H4C5: variants seen among roughly 807,000 people sequenced by gnomAD.
H4C5 encodes histone H4.
A neutral mutation model predicts 5.3 loss-of-function variants in H4C5; 15 were observed. The ratio of observed to expected loss-of-function variants is 2.84; its 90% CI spans 1.90 to 4.37. The LOEUF (loss-of-function observed/expected upper bound fraction) is 4.37. Ranked by LOEUF, H4C5 falls within the 30% of genes most tolerant of loss-of-function variation. The pLI is 0.00. For missense variants in H4C5, 153 were observed against 145.7 expected (o/e 1.05, Z -0.26); for synonymous variants, 154 against 56.9 (o/e 2.71, Z -7.68).
Position 26,204,751 on chromosome 6 carries a change from G to C in H4C5, c.107G>C (p.Arg36Pro). 1 of 1,614,164 alleles carries C rather than the reference G, an allele frequency of 6.2e-7. No homozygotes were observed. Among genetic ancestry groups the C allele is most frequent in the Non-Finnish European group, 8.5e-7 (1 of 1,180,022 alleles). ...NIQGITKPAI[R>P]RLARRGGVKR... ...CAGGGCATTACCAAGCCTGCCATCC[G>C]GCGCCTTGCTCGTCGCGGGGGTGTC... Residue 36 changes from arginine (R) to proline (P), a missense_variant, in exon 1 of 1, where the codon CGG becomes CCG. Coordinates refer to ENST00000615164, the MANE Select transcript of H4C5 (RefSeq NM_003545.4).
At position 26,204,612 on chromosome 6, in the gene H4C5, ATT is replaced by A. The variant is rs1765185326; in HGVS notation, c.-29_-28del. On this transcript the variant is annotated 5_prime_UTR_variant, in exon 1 of 1. Coordinates refer to ENST00000615164, the MANE Select transcript of H4C5 (RefSeq NM_003545.4). ...AATACTACCGTCGCTTGTTTTTCAG[ATT>A]TTTGCGGCTATTTTCGTTGGTGTGT... 1 of 1,535,206 alleles carries A rather than the reference ATT, an allele frequency of 6.5e-7. No individual in the cohort carries two copies. The highest frequency in any genetic ancestry group is 8.8e-7 in the Non-Finnish European group (1 of 1,136,788).
In H4C5 at chr6:26,204,617, T is replaced by G. The variant is rs1384483637; in HGVS notation, c.-28T>G. Reference sequence around the variant, plus strand: ...TACCGTCGCTTGTTTTTCAGATTTTTGCGGCTATTTTCGTTGGTGTGTTGG... The same window carrying G: ...TACCGTCGCTTGTTTTTCAGATTTTGGCGGCTATTTTCGTTGGTGTGTTGG... On this transcript the variant is annotated 5_prime_UTR_variant, in exon 1 of 1. Transcript: ENST00000615164. 6.5e-7 allele frequency: 1 copy of G among 1,546,506 alleles called. No homozygotes were observed. Among genetic ancestry groups the G allele is most frequent in the Non-Finnish European group, 8.7e-7 (1 of 1,143,838 alleles).
In H4C5 at chr6:26,204,832, TG is replaced by T. The variant is rs778898232; in HGVS notation, c.190del (p.Glu64LysfsTer3). ...EETRGVLKVF[L>X]ENVIRDAVTY... is the part of the protein sequence containing the mutation. Reference sequence around the variant, plus strand: ...ACTCGCGGGGTTCTGAAGGTGTTTCTGGAAAACGTGATTCGTGATGCTGTGA... The same window carrying T: ...ACTCGCGGGGTTCTGAAGGTGTTTCTGAAAACGTGATTCGTGATGCTGTGA... On this transcript the variant is annotated frameshift_variant, in exon 1 of 1. Coordinates refer to ENST00000615164, the MANE Select transcript of H4C5 (RefSeq NM_003545.4). LOFTEE classifies it high-confidence loss of function. The T allele has an allele frequency of 3.7e-6, 6 of 1,614,190 alleles. No homozygotes were observed. The East Asian group carries it at 1.3e-4, about 36-fold the overall frequency.
rs767248815 is a variant in H4C5 at position 26,204,841 on chromosome 6, T to G, written c.197T>G (p.Val66Gly). Reference sequence around the variant, plus strand: ...GTTCTGAAGGTGTTTCTGGAAAACGTGATTCGTGATGCTGTGACTTACACG... The same window carrying G: ...GTTCTGAAGGTGTTTCTGGAAAACGGGATTCGTGATGCTGTGACTTACACG... ...RGVLKVFLEN[V>G]IRDAVTYTEH... Residue 66 changes from valine to glycine, a missense_variant, in exon 1 of 1, where the codon GTG (valine) becomes GGG (glycine). By Grantham distance (109) the Val-to-Gly change is moderately radical. Coordinates refer to ENST00000615164, the MANE Select transcript of H4C5 (RefSeq NM_003545.4). 1.9e-6 allele frequency: 3 copies of G among 1,614,182 alleles called. No homozygotes were observed. The South Asian group carries it at 3.3e-5, about 18-fold the overall frequency.
Position 26,204,644 on chromosome 6 carries a change from C to A in H4C5, c.-1C>A. 2 of 1,543,670 alleles carry A rather than the reference C, an allele frequency of 1.3e-6. No homozygotes were observed. Among genetic ancestry groups the A allele is most frequent in the Non-Finnish European group, 1.8e-6 (2 of 1,135,636 alleles). On this transcript the variant is annotated 5_prime_UTR_variant, in exon 1 of 1. Coordinates refer to ENST00000615164, the MANE Select transcript of H4C5 (RefSeq NM_003545.4). ...CGGCTATTTTCGTTGGTGTGTTGGT[C>A]ATGTCTGGTCGCGGCAAAGGCGGAA...
At position 26,204,760 on chromosome 6, in the gene H4C5, C is replaced by T. The variant is rs758381758; in HGVS notation, c.116C>T (p.Ala39Val). The change falls in exon 1 of 1, where the codon GCT (alanine) becomes GTT (valine). Residue 39 changes from alanine (A) to valine (V), a missense_variant. Physicochemically the swap from Ala to Val is moderately conservative, Grantham distance 64. Coordinates refer to ENST00000615164, the MANE Select transcript of H4C5 (RefSeq NM_003545.4). ...GITKPAIRRL[A>V]RRGGVKRISG... Reference sequence around the variant, plus strand: ...ACCAAGCCTGCCATCCGGCGCCTTGCTCGTCGCGGGGGTGTCAAGCGCATT... The same window carrying T: ...ACCAAGCCTGCCATCCGGCGCCTTGTTCGTCGCGGGGGTGTCAAGCGCATT... 1 of 1,614,184 alleles carries T rather than the reference C, an allele frequency of 6.2e-7. No individual in the cohort carries two copies. The highest frequency in any genetic ancestry group is 8.5e-7 in the Non-Finnish European group (1 of 1,180,036).
rs766724515 is a variant in H4C5, at chr6:26,204,640, T to A, written c.-5T>A. On this transcript the variant is annotated 5_prime_UTR_variant, in exon 1 of 1. Transcript: ENST00000615164. Reference sequence around the variant, plus strand: ...TTTGCGGCTATTTTCGTTGGTGTGTTGGTCATGTCTGGTCGCGGCAAAGGC... The same window carrying A: ...TTTGCGGCTATTTTCGTTGGTGTGTAGGTCATGTCTGGTCGCGGCAAAGGC... 1 of 1,579,216 alleles carries A rather than the reference T, an allele frequency of 6.3e-7. No individual in the cohort carries two copies. Among genetic ancestry groups the A allele is most frequent in the Non-Finnish European group, 8.6e-7 (1 of 1,157,562 alleles).
At position 26,204,978 on chromosome 6, in the gene H4C5, G is replaced by C. The variant is rs1290751967; in HGVS notation, c.*22G>C. ...CTAATGCTACCGCTTAAACGACTCA[G>C]CATCTCGACTTCCCAAATCAAAGGC... On this transcript the variant is annotated 3_prime_UTR_variant, in exon 1 of 1. Transcript: ENST00000615164. The C allele has an allele frequency of 1.9e-6, 3 of 1,583,148 alleles. No individual in the cohort carries two copies. The highest frequency in any genetic ancestry group is 1.3e-5 in the African/African-American group (1 of 74,138).
chr6:26,204,924 CAGGGA>C lies in H4C5; in HGVS notation c.281_285del (p.Gln94ProfsTer?). 2 of 1,610,674 alleles carry C rather than the reference CAGGGA, an allele frequency of 1.2e-6. No homozygotes were observed. Among genetic ancestry groups the C allele is most frequent in the African/African-American group, 2.7e-5 (2 of 74,968 alleles). ...GGATGTGGTCTACGCGCTGAAGAGA[CAGGGA>C]CGCACTCTTTACGGCTTCGGCGGCT... On this transcript the variant is annotated frameshift_variant, in exon 1 of 1. Transcript: ENST00000615164. LOFTEE classifies it high-confidence loss of function.
At position 26,204,699 on chromosome 6, in the gene H4C5, C is replaced by G. The variant is rs1765190154; in HGVS notation, c.55C>G (p.His19Asp). The stretch of plus-strand genomic sequence containing the variant: ...ACTGGGTAAAGGAGGCGCTAAGCGT[C>G]ACCGTAAGGTCCTGCGAGATAACAT... ...KGLGKGGAKRHRKVLRDNIQG... is the reference protein window; with the variant it reads ...KGLGKGGAKRDRKVLRDNIQG... Residue 19 changes from histidine to aspartate, a missense_variant, in exon 1 of 1, where the codon CAC becomes GAC. Transcript: ENST00000615164. 4.3e-6 allele frequency: 7 copies of G among 1,613,678 alleles called. No individual in the cohort carries two copies. The highest frequency in any genetic ancestry group is 1.3e-5 in the African/African-American group (1 of 74,910).
Position 26,204,676 on chromosome 6 carries a change from TG to T in H4C5, c.35del (p.Gly12ValfsTer48). ...GGTCGCGGCAAAGGCGGAAAGGGAC[TG>T]GGTAAAGGAGGCGCTAAGCGTCACC... MSGRGKGGKG[L>X]GKGGAKRHRK... On this transcript the variant is annotated frameshift_variant, in exon 1 of 1. Coordinates refer to ENST00000615164, the MANE Select transcript of H4C5 (RefSeq NM_003545.4). LOFTEE classifies it high-confidence loss of function. 6.2e-7 allele frequency: 1 copy of T among 1,607,398 alleles called. No individual in the cohort carries two copies. Among genetic ancestry groups the T allele is most frequent in the South Asian group, 1.1e-5 (1 of 90,856 alleles).
At position 26,205,005 on chromosome 6, in the gene H4C5, C is replaced by T. The variant is rs185786173; in HGVS notation, c.*49C>T. ...ATCTCGACTTCCCAAATCAAAGGCC[C>T]TTTTCAGGGCCGCCCACAGTTTTCC... On this transcript the variant is annotated 3_prime_UTR_variant, in exon 1 of 1. Coordinates refer to ENST00000615164, the MANE Select transcript of H4C5 (RefSeq NM_003545.4). 20 of 1,542,980 alleles carry T rather than the reference C, an allele frequency of 1.3e-5. No homozygotes were observed. Among genetic ancestry groups the T allele is most frequent in the East Asian group, 2.3e-5 (1 of 44,064 alleles).
At position 26,204,635 on chromosome 6, in the gene H4C5, T is replaced by C. The variant is rs1765186775; in HGVS notation, c.-10T>C. On this transcript the variant is annotated 5_prime_UTR_variant, in exon 1 of 1. Coordinates refer to ENST00000615164, the MANE Select transcript of H4C5 (RefSeq NM_003545.4). The stretch of plus-strand genomic sequence containing the variant: ...AGATTTTTGCGGCTATTTTCGTTGG[T>C]GTGTTGGTCATGTCTGGTCGCGGCA... 6 of 1,563,082 alleles carry C rather than the reference T, an allele frequency of 3.8e-6. No individual in the cohort carries two copies. Among genetic ancestry groups the C allele is most frequent in the East Asian group, 4.6e-5 (2 of 43,838 alleles).
At position 26,204,715 on chromosome 6, in the gene H4C5, G is replaced by A. The variant is rs752651799; in HGVS notation, c.71G>A (p.Arg24Gln). The A allele has an allele frequency of 3.1e-6, 5 of 1,614,190 alleles. No individual in the cohort carries two copies. The highest frequency in any genetic ancestry group is 4.2e-6 in the Non-Finnish European group (5 of 1,180,032). ...GCTAAGCGTCACCGTAAGGTCCTGC[G>A]AGATAACATCCAGGGCATTACCAAG... Reference protein sequence around the residue: ...GGAKRHRKVLRDNIQGITKPA... With the variant: ...GGAKRHRKVLQDNIQGITKPA... Residue 24 changes from arginine (R) to glutamine (Q), a missense_variant, in exon 1 of 1, where the codon CGA becomes CAA. Coordinates refer to ENST00000615164, the MANE Select transcript of H4C5 (RefSeq NM_003545.4).
rs1581455696 is a variant in H4C5, at chr6:26,204,890, G to C, written c.246G>C (p.Val82=). ...TYTEHAKRKT[V]TAMDVVYALK... is the part of the protein sequence containing the mutation. ...CGGAGCACGCCAAACGCAAGACAGTGACAGCGATGGATGTGGTCTACGCGC... is the reference window on the plus strand; with the variant it reads ...CGGAGCACGCCAAACGCAAGACAGTCACAGCGATGGATGTGGTCTACGCGC... Residue 82 remains valine, a synonymous_variant, in exon 1 of 1, where the codon GTG becomes GTC. Coordinates refer to ENST00000615164, the MANE Select transcript of H4C5 (RefSeq NM_003545.4). The C allele has an allele frequency of 6.2e-7, 1 of 1,614,122 alleles. No individual in the cohort carries two copies. Among genetic ancestry groups the C allele is most frequent in the Non-Finnish European group, 8.5e-7 (1 of 1,179,964 alleles).
Position 26,204,791 on chromosome 6 carries a change from T to G in H4C5, c.147T>G (p.Gly49=). Residue 49 remains glycine, a synonymous_variant, in exon 1 of 1, where the codon GGT becomes GGG. Coordinates refer to ENST00000615164, the MANE Select transcript of H4C5 (RefSeq NM_003545.4). ...GCGGGGGTGTCAAGCGCATTTCTGG[T>G]CTCATCTACGAGGAGACTCGCGGGG... ...ARRGGVKRIS[G]LIYEETRGVL... The G allele has an allele frequency of 1.2e-6, 2 of 1,614,088 alleles. No individual in the cohort carries two copies. Among genetic ancestry groups the G allele is most frequent in the East Asian group, 2.2e-5 (1 of 44,876 alleles).
Position 26,204,718 on chromosome 6 carries a change from A to T in H4C5, c.74A>T (p.Asp25Val). 1 of 1,614,162 alleles carries T rather than the reference A, an allele frequency of 6.2e-7. No homozygotes were observed. The highest frequency in any genetic ancestry group is 1.3e-5 in the African/African-American group (1 of 75,036). ...AAGCGTCACCGTAAGGTCCTGCGAG[A>T]TAACATCCAGGGCATTACCAAGCCT... ...GAKRHRKVLR[D>V]NIQGITKPAI... Residue 25 changes from aspartate to valine, a missense_variant, in exon 1 of 1, where the codon GAT becomes GTT. Physicochemically the swap from Asp to Val is radical, Grantham distance 152. Coordinates refer to ENST00000615164, the MANE Select transcript of H4C5 (RefSeq NM_003545.4).
chr6:26,204,984 CGACTTCCCAAATCA>C lies in H4C5; in HGVS notation c.*29_*42del, dbSNP rs770404275. The C allele has an allele frequency of 6.3e-7, 1 of 1,578,410 alleles. No individual in the cohort carries two copies. Among genetic ancestry groups the C allele is most frequent in the Non-Finnish European group, 8.6e-7 (1 of 1,156,154 alleles). On this transcript the variant is annotated 3_prime_UTR_variant, in exon 1 of 1. Coordinates refer to ENST00000615164, the MANE Select transcript of H4C5 (RefSeq NM_003545.4). Reference sequence around the variant, plus strand: ...CTACCGCTTAAACGACTCAGCATCTCGACTTCCCAAATCAAAGGCCCTTTTCAGGGCCGCCCACA... The same window carrying C: ...CTACCGCTTAAACGACTCAGCATCTCAAGGCCCTTTTCAGGGCCGCCCACA...
At position 26,204,686 on chromosome 6, in the gene H4C5, A is replaced by G. The variant is rs747289620; in HGVS notation, c.42A>G (p.Gly14=). The G allele has an allele frequency of 1.2e-6, 2 of 1,612,810 alleles. No homozygotes were observed. The highest frequency in any genetic ancestry group is 1.3e-5 in the African/African-American group (1 of 74,970). ...RGKGGKGLGK[G]GAKRHRKVLR... ...AAGGCGGAAAGGGACTGGGTAAAGG[A>G]GGCGCTAAGCGTCACCGTAAGGTCC... is the stretch of plus-strand genomic sequence containing the variant. Residue 14 remains glycine, a synonymous_variant, in exon 1 of 1, where the codon GGA becomes GGG. Transcript: ENST00000615164.
Sources: allele counts gnomAD v4.1 joint callset, GRCh38; gene constraint gnomAD v4.1.1; transcripts MANE v1.5; gene names NCBI Gene and HGNC (gene_info 2026-07-23, HGNC 2026-07-21).